PAPPA: variants seen among roughly 807,000 people sequenced by gnomAD.
The protein encoded by PAPPA is pappalysin 1.
A neutral mutation model predicts 164.0 loss-of-function variants in PAPPA; 60 were observed. That is an observed-to-expected ratio of 0.37 (90% CI 0.30 to 0.45). The LOEUF is 0.45. PAPPA is among the 20% of genes least tolerant of loss of function. The pLI is 1.00. For synonymous variants in PAPPA, 875 were observed against 814.1 expected, an observed-to-expected ratio of 1.07 and a Z score of -1.27; for missense variants, 1,782 against 2,087.3, an observed-to-expected ratio of 0.85 and a Z score of 2.85.
At chr9:116,208,401 C>T (rs892380762) in intron 3 of PAPPA, among the ~76,000 whole-genome samples, 1 of 152,096 alleles carries the variant, frequency 6.6e-6, no homozygotes, top group African/African-American at 2.4e-5. Context: ...GAAGTCTTAT[C>T]CTTAACTTCC....
chr9:116,357,592 C>T (rs2118611397), intron 17 of PAPPA, among the ~76,000 whole-genome samples: 1 of 152,286 alleles, frequency 6.6e-6, no homozygotes, highest in South Asian at 2.1e-4. Flanking sequence ...CTGCTCTTTC[C>T]ACTGCTCCCA....
At chr9:116,264,889 G>A (rs771069508) in intron 7 of PAPPA, among the ~76,000 whole-genome samples, 1 of 152,168 alleles carries the variant, frequency 6.6e-6, no homozygotes, top group Non-Finnish European at 1.5e-5. Context: ...ATTTGCCTTG[G>A]AGGATAATTG....
chr9:116,236,586 C>CAA (rs35004875), intron 7 of PAPPA, among the ~76,000 whole-genome samples: 75 of 84,744 alleles, frequency 8.9e-4, no homozygotes, highest in Admixed American at 4.1e-3. Context: ...AACTCCATCT[C>CAA]AAAAAAAAAA....
chr9:116,316,991 A>G (rs1845794943), intron 10 of PAPPA, among the ~76,000 whole-genome samples: 1 of 152,212 alleles, frequency 6.6e-6, no homozygotes, highest in African/African-American at 2.4e-5. Flanking sequence ...CTGCATGATC[A>G]TCTTGGCATC....
At chr9:116,249,022 G>A (rs942846920) in intron 7 of PAPPA, among the ~76,000 whole-genome samples, 3 of 152,076 alleles carry the variant, frequency 2.0e-5, no homozygotes, top group Admixed American at 2.0e-4. Context: ...GCCAGAAGGT[G>A]TAATTCTGTG....
At chr9:116,272,817 G>A (rs1186982450) in intron 9 of PAPPA, among the ~76,000 whole-genome samples, 2 of 152,116 alleles carry the variant, frequency 1.3e-5, no homozygotes, top group African/African-American at 2.4e-5. Flanking sequence ...GGAAAACCAG[G>A]TTCTAGTACC....
At chr9:116,283,858 A>C (rs1845297695) in intron 9 of PAPPA, among the ~76,000 whole-genome samples, 1 of 151,608 alleles carries the variant, frequency 6.6e-6, no homozygotes, top group South Asian at 2.1e-4. Context: ...GCATTTTGCC[A>C]AGAGAACTTC....
chr9:116,235,179 C>T lies in PAPPA; in HGVS notation c.2274C>T (p.Arg758=), dbSNP rs1197455099. 1 of 1,613,990 alleles carries T rather than the reference C, an allele frequency of 6.2e-7. No homozygotes were observed. The highest frequency in any genetic ancestry group is 1.7e-5 in the Admixed American group (1 of 59,998). Residue 758 remains arginine, a synonymous_variant, in exon 7 of 22, where the codon CGC becomes CGT. Transcript: ENST00000328252. ...DVEQPCKSSV[R]TWSPNSAVNP... ...AACAGCCCTGTAAGTCCAGTGTCCG[C>T]ACCTGGAGCCCAAATTCAGCTGTCA...
chr9:116,256,512 G>T (rs1202818863), intron 7 of PAPPA, among the ~76,000 whole-genome samples: 1 of 151,722 alleles, frequency 6.6e-6, no homozygotes, highest in Non-Finnish European at 1.5e-5. Context: ...TTTGCTGAAA[G>T]GTTAAAGGTA....
At chr9:116,193,306 C>A (rs991239578) in intron 2 of PAPPA, among the ~76,000 whole-genome samples, 16 of 152,094 alleles carry the variant, frequency 1.1e-4, no homozygotes, top group Admixed American at 3.9e-4. Context: ...TAGCCTCTTC[C>A]CCTGCTCTAA....
At chr9:116,284,478 A>G (rs1486478997) in intron 9 of PAPPA, among the ~76,000 whole-genome samples, 1 of 151,090 alleles carries the variant, frequency 6.6e-6, no homozygotes, top group East Asian at 1.9e-4. Flanking sequence ...ATGTTCCATA[A>G]TAGGCACACT....
chr9:116,320,650 A>G (rs1019277768), intron 10 of PAPPA, among the ~76,000 whole-genome samples: 5 of 152,090 alleles, frequency 3.3e-5, no homozygotes, highest in Non-Finnish European at 5.9e-5. Flanking sequence ...GGGGAAAGTG[A>G]TAATTGTTTC....
At chr9:116,373,316 T>A in intron 19 of PAPPA, 1 of 152,146 alleles carries the variant, frequency 6.6e-6, no homozygotes, top group African/African-American at 2.4e-5. Context: ...TCCAAGCAGA[T>A]ACTCTTCAAA....
chr9:116,186,616 T>G (rs1408369539), intron 1 of PAPPA, among the ~76,000 whole-genome samples: 1 of 152,184 alleles, frequency 6.6e-6, no homozygotes, highest in Non-Finnish European at 1.5e-5. Flanking sequence ...TAATGGCAGA[T>G]GTACACTCAA....
intron 1 of PAPPA, among the ~76,000 whole-genome samples, chr9:116,159,648 C>A (rs546318871): frequency 8.5e-5 from 13 of 152,304 alleles, no homozygotes; most frequent in African/African-American, 3.1e-4. Context: ...CTTGCTCCTT[C>A]CCCAGGTGCT....
intron 1 of PAPPA, among the ~76,000 whole-genome samples, chr9:116,182,628 C>A (rs61154311): frequency 8.5e-4 from 129 of 152,322 alleles, no homozygotes; most frequent in African/African-American, 3.0e-3. Flanking sequence ...TTCTGAGAGA[C>A]TCTTTCCATG....
At chr9:116,291,385 C>A (rs142823888) in intron 9 of PAPPA, among the ~76,000 whole-genome samples, 1 of 152,012 alleles carries the variant, frequency 6.6e-6, no homozygotes, top group Non-Finnish European at 1.5e-5. Flanking sequence ...TTGGATTTTC[C>A]CCCTAATATG....
intron 1 of PAPPA, among the ~76,000 whole-genome samples, chr9:116,162,447 C>G (rs943768421): frequency 2.0e-5 from 3 of 152,102 alleles, no homozygotes; most frequent in African/African-American, 7.2e-5. Flanking sequence ...AGGCCTGGGG[C>G]AGTGACCTGC....
At position 116,325,392 on chromosome 9, in the gene PAPPA, C is replaced by A. The variant is rs143408170; in HGVS notation, c.3148-5852C>A. Among the ~76,000 whole-genome samples, 342 of 152,232 alleles carry A rather than the reference C, an allele frequency of 2.2e-3. 1 individual carries two copies. Among genetic ancestry groups the A allele is most frequent in the African/African-American group, 8.0e-3 (333 of 41,546 alleles). On this transcript the variant is annotated intron_variant, in intron 10 of 21. Transcript: ENST00000328252. ...TGGGGCCCTTAAAGGTCATTCCGTG[C>A]AACCATTCAGTACAACTGCAGAGGG... is the stretch of plus-strand genomic sequence containing the variant.
Sources: allele counts gnomAD v4.1 joint callset (sites outside exome capture counted in the v4.1 genomes callset), GRCh38; gene constraint gnomAD v4.1.1; transcripts MANE v1.5; gene names NCBI Gene and HGNC (gene_info 2026-07-23, HGNC 2026-07-21).